NEBL: variants seen among roughly 807,000 people sequenced by gnomAD.
NEBL encodes nebulette.
Under a neutral mutation model 140.2 loss-of-function variants are expected in NEBL, and 122 were observed. The observed-to-expected ratio is 0.87, with a 90% CI of 0.75 to 1.01. NEBL has a LOEUF of 1.01. NEBL is among the 50% of genes least tolerant of loss of function. NEBL has a pLI of 0.00. For synonymous variants in NEBL, 436 were observed against 398.9 expected, an observed-to-expected ratio of 1.09 and a Z score of -1.11; for missense variants, 1,365 against 1,231.3, an observed-to-expected ratio of 1.11 and a Z score of -1.62.
chr10:20,978,665 G>T (rs1393791833), intron 3 of NEBL, among the ~76,000 whole-genome samples: 2 of 151,898 alleles, frequency 1.3e-5, no homozygotes, highest in African/African-American at 2.4e-5. Context: ...AGGCTGAGGT[G>T]GATTGCCCGT....
chr10:20,794,654 T>C (rs1196969529), intron 26 of NEBL, among the ~76,000 whole-genome samples: 1 of 152,210 alleles, frequency 6.6e-6, no homozygotes, highest in Non-Finnish European at 1.5e-5. Context: ...TGTATACCCC[T>C]GTGAAAGTTA....
intron 4 of NEBL, among the ~76,000 whole-genome samples, chr10:20,938,722 C>T (rs1393462280): frequency 1.3e-5 from 2 of 152,068 alleles, no homozygotes; most frequent in Non-Finnish European, 2.9e-5. Context: ...ACTAGAATAA[C>T]CAATGCAAAG....
At chr10:21,076,381 G>C (rs1043284163) in intron 2 of NEBL, among the ~76,000 whole-genome samples, 6 of 141,698 alleles carry the variant, frequency 4.2e-5, no homozygotes, top group African/African-American at 1.6e-4. Flanking sequence ...AGAGGCAGAG[G>C]TTGCAGTGAG....
rs756277383 is a variant in NEBL, at chr10:20,852,631, A to C, written c.922T>G (p.Phe308Val). The change falls in exon 10 of 28, where the codon TTT (phenylalanine) becomes GTT (valine). Residue 308 changes from phenylalanine (F) to valine (V), a missense_variant. This residue lies in a region of NEBL where 1,323 missense variants were observed against 1,154.8 expected (regional missense o/e 1.15). Transcript: ENST00000377122. ...MLSGREYKKL[F>V]EENKGMYHFD... ...TGATACATTCCTTTGTTTTCCTCAA[A>C]GAGCTTTTTATATTCTCGCTAAAAT... 6.2e-7 allele frequency: 1 copy of C among 1,612,846 alleles called. No homozygotes were observed. The highest frequency in any genetic ancestry group is 1.1e-5 in the South Asian group (1 of 91,052).
At chr10:20,787,362 A>AGTGAATGTGTTTAAGTTAT in intron 26 of NEBL, 54 bp from the exon 27 acceptor site, 1 of 1,382,920 alleles carries the variant, frequency 7.2e-7, no homozygotes, top group Non-Finnish European at 1.0e-6. Context: ...GCCTCGAAAT[A>AGTGAATGTGTTTAAGTTAT]CCCATCCCAA....
chr10:20,991,651 A>G (rs922069937), intron 3 of NEBL, among the ~76,000 whole-genome samples: 1 of 150,496 alleles, frequency 6.6e-6, no homozygotes, highest in African/African-American at 2.5e-5. Context: ...GTACCGGTGC[A>G]GTTTGTTACA....
intron 4 of NEBL, among the ~76,000 whole-genome samples, chr10:20,918,857 AT>A (rs756871581): frequency 9.9e-5 from 15 of 151,862 alleles, no homozygotes; most frequent in Non-Finnish European, 1.9e-4. Flanking sequence ...CCTCAAAAAA[AT>A]AAATTAAATA....
chr10:21,126,212 T>C (rs1838828030), intron 2 of NEBL: 1 of 1,293,700 alleles, frequency 7.7e-7, no homozygotes, highest in Non-Finnish European at 1.1e-6. Context: ...TAATAACAAC[T>C]ACATTGCTGG....
intron 26 of NEBL, among the ~76,000 whole-genome samples, chr10:20,794,463 C>A (rs1485338383): frequency 1.3e-5 from 2 of 152,132 alleles, no homozygotes; most frequent in Non-Finnish European, 2.9e-5. Flanking sequence ...AGTGATAAAA[C>A]AATTATCGCC....
At position 20,831,036 on chromosome 10, in the gene NEBL, T is replaced by G. The variant is rs1005801956; in HGVS notation, c.1671+160A>C. ...AATCTATGACTGTTGTCCTATTAAT[T>G]AGTACGGTTAATCAAGTTTGGCCAA... is the stretch of plus-strand genomic sequence containing the variant. On this transcript the variant is annotated intron_variant, in intron 16 of 27. Coordinates refer to ENST00000377122, the MANE Select transcript of NEBL (RefSeq NM_006393.3). The G allele has an allele frequency of 4.5e-6, 3 of 668,166 alleles. No homozygotes were observed. The African/African-American group carries it at 5.3e-5, about 12-fold the overall frequency. The allele number at this position is 668,166 out of a possible 1,614,324, so 41.4% of individuals were successfully genotyped here. A position where few individuals can be genotyped will look rare whatever the true frequency, so the allele number is the denominator to read the frequency against.
chr10:21,163,995 C>T (rs604600), intron 2 of NEBL, among the ~76,000 whole-genome samples: 3,907 of 152,324 alleles, frequency 0.026, 62 homozygotes, highest in Non-Finnish European at 0.034. Context: ...CTCACAACTT[C>T]CTGTTTTCAT....
Position 20,889,894 on chromosome 10 carries a change from T to C in NEBL, c.209A>G (p.Asp70Gly). The C allele has an allele frequency of 6.2e-7, 1 of 1,613,124 alleles. No individual in the cohort carries two copies. Among genetic ancestry groups the C allele is most frequent in the Non-Finnish European group, 8.5e-7 (1 of 1,179,274 alleles). ...KSKDKCTFVT[D>G]SPMLNHVKNI... ...TTTTACATGGTTTAGCATAGGACTG[T>C]CAGTCACAAATGTACACTTATCCTT... is the stretch of plus-strand genomic sequence containing the variant. Residue 70 changes from aspartate to glycine, a missense_variant, in exon 3 of 28, where the codon GAC becomes GGC. Physicochemically the swap from Asp to Gly is moderately conservative, Grantham distance 94 (BLOSUM62 -1). Transcript: ENST00000377122.
At chr10:21,190,771 T>C (rs1184731482) in intron 3 of NEBL, among the ~76,000 whole-genome samples, 2 of 152,120 alleles carry the variant, frequency 1.3e-5, no homozygotes, top group Admixed American at 1.3e-4. Context: ...CACAGAAAAA[T>C]GATTATTATG....
At chr10:21,144,447 C>T (rs762775244) in intron 2 of NEBL, among the ~76,000 whole-genome samples, 1 of 152,168 alleles carries the variant, frequency 6.6e-6, no homozygotes, top group Non-Finnish European at 1.5e-5. Flanking sequence ...AGAATGGGGC[C>T]GGGTGCTGTG....
At chr10:20,922,150 C>T (rs1322819355) in intron 4 of NEBL, among the ~76,000 whole-genome samples, 1 of 152,162 alleles carries the variant, frequency 6.6e-6, no homozygotes, top group African/African-American at 2.4e-5. Flanking sequence ...GAGAAAAGCA[C>T]ATGCGCTGGA....
In NEBL at chr10:20,812,893, A is replaced by G. The variant is rs764897449; in HGVS notation, c.2394T>C (p.Thr798=). 4.3e-6 allele frequency: 7 copies of G among 1,614,004 alleles called. No homozygotes were observed. In the Admixed American group the frequency reaches 1.2e-4, roughly 27 times the overall value. ...CTGTCACAGGATCGTCCACGACGGGAGTAAAGCCTCTCCCCTTTGTTTTTT... is the reference window on the plus strand; with the variant it reads ...CTGTCACAGGATCGTCCACGACGGGGGTAAAGCCTCTCCCCTTTGTTTTTT... ...DFEKTKGRGF[T]PVVDDPVTER... Residue 798 remains threonine (T), a synonymous_variant, in exon 24 of 28, where the codon ACT becomes ACC. Transcript: ENST00000377122.
intron 1 of NEBL, among the ~76,000 whole-genome samples, chr10:21,255,951 C>T (rs1262194782): frequency 1.3e-5 from 2 of 148,224 alleles, no homozygotes; most frequent in Non-Finnish European, 3.0e-5. Flanking sequence ...CACTGCACTC[C>T]AGCCTGGGCG....
intron 13 of NEBL, among the ~76,000 whole-genome samples, chr10:20,836,357 G>T (rs1291138298): frequency 6.6e-6 from 1 of 151,782 alleles, no homozygotes; most frequent in Non-Finnish European, 1.5e-5. Context: ...CGAATAGCTG[G>T]GACTACAGGC....
chr10:21,061,458 G>C (rs1045496619), intron 2 of NEBL, among the ~76,000 whole-genome samples: 1 of 146,326 alleles, frequency 6.8e-6, no homozygotes, highest in Non-Finnish European at 1.5e-5. Flanking sequence ...TATATTACAT[G>C]ATATATGATA....
Sources: allele counts gnomAD v4.1 joint callset (sites outside exome capture counted in the v4.1 genomes callset), GRCh38; gene constraint gnomAD v4.1.1; regional missense constraint gnomAD v4.1.1; transcripts MANE v1.5; gene names NCBI Gene and HGNC (gene_info 2026-07-23, HGNC 2026-07-21).